SLC39A14: variants seen among roughly 807,000 people sequenced by gnomAD.
The protein encoded by SLC39A14 is solute carrier family 39 member 14, also known as metal cation symporter ZIP14.
In SLC39A14, 19 loss-of-function variants were observed where a neutral mutation model predicts 45.5. The observed-to-expected ratio is 0.42, with a 90% CI of 0.29 to 0.61. The LOEUF is 0.61. Among genes scored for constraint, SLC39A14 ranks in the 20% least tolerant of loss-of-function variants. The pLI is 0.22. For missense variants in SLC39A14, 447 were observed against 616.5 expected, an observed-to-expected ratio of 0.73 and a Z score of 2.91; for synonymous variants, 264 against 251.3, an observed-to-expected ratio of 1.05 and a Z score of -0.48.
At chr8:22,403,668 C>T (rs971690902) in intron 1 of SLC39A14, among the ~76,000 whole-genome samples, 1 of 151,566 alleles carries the variant, frequency 6.6e-6, no homozygotes, top group African/African-American at 2.4e-5. Context: ...CCTATAATCC[C>T]AGCAGTTTGG....
Position 22,373,117 on chromosome 8 carries a change from G to A in SLC39A14, c.-16+5709G>A, listed in dbSNP as rs1244836400. Among the ~76,000 whole-genome samples the A allele has an allele frequency of 5.9e-5, 9 of 152,000 alleles. No homozygotes were observed. The East Asian group carries it at 1.7e-3, about 29-fold the overall frequency. ...TCTCTACTAAAAATACAAAAAATTAGCTGGGTGTGGTGGTGCACGCCTGTA... is the reference window on the plus strand; with the variant it reads ...TCTCTACTAAAAATACAAAAAATTAACTGGGTGTGGTGGTGCACGCCTGTA... On this transcript the variant is annotated intron_variant, in intron 1 of 8. Transcript: ENST00000381237.
chr8:22,432,260 G>C (rs1438961257), intron 8 of SLC39A14, among the ~76,000 whole-genome samples: 1 of 152,080 alleles, frequency 6.6e-6, no homozygotes, highest in Non-Finnish European at 1.5e-5. Context: ...TGAGCCCAGG[G>C]AGATAGAGGC....
At chr8:22,395,500 A>G (rs965529867) in intron 1 of SLC39A14, among the ~76,000 whole-genome samples, 1 of 152,244 alleles carries the variant, frequency 6.6e-6, no homozygotes, top group Non-Finnish European at 1.5e-5. Flanking sequence ...TATCCTGCTC[A>G]AGGTCATCGC....
chr8:22,372,221 A>T (rs1165570963), intron 1 of SLC39A14, among the ~76,000 whole-genome samples: 3 of 151,760 alleles, frequency 2.0e-5, no homozygotes, highest in Middle Eastern at 3.4e-3. Context: ...ATTTTATTAA[A>T]TTTTTTTTTC....
chr8:22,371,894 G>A (rs1225046016), intron 1 of SLC39A14, among the ~76,000 whole-genome samples: 1 of 150,978 alleles, frequency 6.6e-6, no homozygotes, highest in Admixed American at 6.6e-5. Context: ...ATAGGCGCCC[G>A]CCACCACGCC....
intron 3 of SLC39A14, chr8:22,410,183 C>A (rs1586731091): frequency 6.5e-7 from 1 of 1,549,352 alleles, no homozygotes; most frequent in Non-Finnish European, 8.9e-7. Flanking sequence ...ATCCCCTCCT[C>A]CCCTACCCTG....
In SLC39A14 at chr8:22,419,533, T is replaced by C; in HGVS notation, c.1333-19T>C. On this transcript the variant is annotated intron_variant, in intron 8 of 8. Coordinates refer to ENST00000381237, the MANE Select transcript of SLC39A14 (RefSeq NM_001128431.4). ...TGAAGAAGGAATTGCAGCTGTGTTG[T>C]TTCTTGCTTCTTTCCCAGTTCCCTG... The C allele has an allele frequency of 6.2e-7, 1 of 1,605,304 alleles. No individual in the cohort carries two copies. The highest frequency in any genetic ancestry group is 8.5e-7 in the Non-Finnish European group (1 of 1,175,790).
intron 4 of SLC39A14, 44 bp downstream of exon 4, chr8:22,412,250 A>C (rs1338224698): frequency 2.6e-6 from 4 of 1,542,012 alleles, no homozygotes; most frequent in Non-Finnish European, 2.6e-6. Context: ...GCCGGCGGGC[A>C]CAGTGGGAGG....
Position 22,422,355 on chromosome 8 carries a change from G to A in SLC39A14, c.*2657G>A. On this transcript the variant is annotated 3_prime_UTR_variant, in exon 9 of 9. Coordinates refer to ENST00000381237, the MANE Select transcript of SLC39A14 (RefSeq NM_001128431.4). ...GTATTTTGTGTCTAGTGTCAAATTGGAGCTATTCTTCACTGGTCCTTAACC... is the reference window on the plus strand; with the variant it reads ...GTATTTTGTGTCTAGTGTCAAATTGAAGCTATTCTTCACTGGTCCTTAACC... 1 of 985,846 alleles carries A rather than the reference G, an allele frequency of 1.0e-6. No individual in the cohort carries two copies. Among genetic ancestry groups the A allele is most frequent in the South Asian group, 4.7e-5 (1 of 21,282 alleles). 61.1% of individuals were successfully genotyped at this position (985,846 alleles called of 1,614,324 possible). A position where few individuals can be genotyped will look rare whatever the true frequency, so the allele number is the denominator to read the frequency against.
At position 22,420,192 on chromosome 8, in the gene SLC39A14, T is replaced by G; in HGVS notation, c.*494T>G. 3 of 986,114 alleles carry G rather than the reference T, an allele frequency of 3.0e-6. No individual in the cohort carries two copies. Among genetic ancestry groups the G allele is most frequent in the Non-Finnish European group, 3.6e-6 (3 of 830,432 alleles). 61.1% of individuals were successfully genotyped at this position (986,114 alleles called of 1,614,324 possible). ...CAGGAGACAGGAAGCCTTCCCATTT[T>G]TTCAAAGTCTGTTTAATTGCCTATT... On this transcript the variant is annotated 3_prime_UTR_variant, in exon 9 of 9. Coordinates refer to ENST00000381237, the MANE Select transcript of SLC39A14 (RefSeq NM_001128431.4).
chr8:22,408,950 A>G (rs1295958491), intron 3 of SLC39A14, among the ~76,000 whole-genome samples: 1 of 151,480 alleles, frequency 6.6e-6, no homozygotes, highest in Non-Finnish European at 1.5e-5. Flanking sequence ...CCTCCTGAGT[A>G]GCTGGGACTA....
At chr8:22,408,536 C>T (rs557695720) in intron 3 of SLC39A14, 40 bp downstream of exon 3, 9 of 1,573,564 alleles carry the variant, frequency 5.7e-6, no homozygotes, top group South Asian at 4.6e-5. Context: ...TCTCCCATCT[C>T]GCCCGCGTCT....
chr8:22,417,056 G>A lies in SLC39A14; in HGVS notation c.1148-595G>A, dbSNP rs148566068. 3.9e-5 allele frequency among the ~76,000 whole-genome samples: 6 copies of A among 152,330 alleles called. No individual in the cohort carries two copies. The East Asian group carries it at 1.2e-3, about 29-fold the overall frequency. The stretch of plus-strand genomic sequence containing the variant: ...GTAGGAGGGACTTAGTTTGATCAGA[G>A]GGAGAGTGTAAAAAGCTAGTAATTA... On this transcript the variant is annotated intron_variant, in intron 7 of 8. Transcript: ENST00000381237.
At chr8:22,388,845 C>G (rs2132230878) in intron 1 of SLC39A14, among the ~76,000 whole-genome samples, 1 of 150,098 alleles carries the variant, frequency 6.7e-6, no homozygotes, top group African/African-American at 2.5e-5. Context: ...GTCTACCTTT[C>G]TAACCCAATT....
chr8:22,417,885 G>A, intron 8 of SLC39A14, 50 bp downstream of exon 8: 1 of 1,471,154 alleles, frequency 6.8e-7, no homozygotes, highest in Non-Finnish European at 9.2e-7. Flanking sequence ...GGGGATGGAT[G>A]TTAGGTAGGT....
chr8:22,403,353 C>T (rs1034484868), intron 1 of SLC39A14, among the ~76,000 whole-genome samples: 2 of 151,630 alleles, frequency 1.3e-5, no homozygotes, highest in Non-Finnish European at 2.9e-5. Flanking sequence ...GATCTTGGCT[C>T]ACTGCAACCT....
chr8:22,427,600 T>G (rs1446984740), downstream of SLC39A14, among the ~76,000 whole-genome samples: 26 of 152,142 alleles, frequency 1.7e-4, no homozygotes, highest in Admixed American at 1.7e-3. Context: ...TCTTGAAGTT[T>G]ATAAAAACAA....
chr8:22,410,139 C>T (rs368385849), intron 3 of SLC39A14: 36 of 1,613,304 alleles, frequency 2.2e-5, no homozygotes, highest in Middle Eastern at 1.7e-4. Context: ...GAAACTTGCG[C>T]GTCCTCTTTC....
chr8:22,394,576 C>T (rs1834274012), intron 1 of SLC39A14, among the ~76,000 whole-genome samples: 1 of 152,138 alleles, frequency 6.6e-6, no homozygotes, highest in South Asian at 2.1e-4. Context: ...GCCTCGGCCG[C>T]CCAAAGTGCT....
Sources: allele counts gnomAD v4.1 joint callset (sites outside exome capture counted in the v4.1 genomes callset), GRCh38; gene constraint gnomAD v4.1.1; transcripts MANE v1.5; gene names NCBI Gene and HGNC (gene_info 2026-07-23, HGNC 2026-07-21).